Variants in DLGAP2 observed in about 807,000 individuals in gnomAD.
DLGAP2 encodes disks large-associated protein 2.
In DLGAP2, 26 loss-of-function variants were observed where a neutral mutation model predicts 100.3. The ratio of observed to expected loss-of-function variants is 0.26; its 90% CI spans 0.19 to 0.36. The LOEUF is 0.36. Among genes scored for constraint, DLGAP2 ranks in the 10% least tolerant of loss-of-function variants. The pLI is 1.00. For missense variants in DLGAP2, 1,858 were observed against 1,453.2 expected (o/e 1.28, Z -4.53); for synonymous variants, 886 against 630.1 (o/e 1.41, Z -6.08).
At chr8:1,588,463 A>G (rs550365257) in intron 6 of DLGAP2, among the ~76,000 whole-genome samples, 1 of 152,348 alleles carries the variant, frequency 6.6e-6, no homozygotes, top group East Asian at 1.9e-4. Context: ...AATGTGTTCT[A>G]TGAGTTCATT....
chr8:1,247,429 T>C (rs62489181), intron 2 of DLGAP2, among the ~76,000 whole-genome samples: 36,856 of 39,514 alleles, frequency 0.93, 17,239 homozygotes, highest in Middle Eastern at 0.99. Context: ...TAATGGCCCA[T>C]GTTGGTGGCC....
chr8:872,774 T>A (rs1431344230), intron 1 of DLGAP2, among the ~76,000 whole-genome samples: 2 of 152,150 alleles, frequency 1.3e-5, no homozygotes, highest in Non-Finnish European at 2.9e-5. Context: ...CAGAACACTC[T>A]CCTCACCCAA....
chr8:1,269,815 A>G (rs1799542361), intron 3 of DLGAP2, among the ~76,000 whole-genome samples: 1 of 152,170 alleles, frequency 6.6e-6, no homozygotes, highest in Non-Finnish European at 1.5e-5. Context: ...TTTTAAAGCT[A>G]GAGAATCACC....
intron 7 of DLGAP2, among the ~76,000 whole-genome samples, chr8:1,631,132 T>C (rs1296621953): frequency 6.6e-6 from 1 of 152,114 alleles, no homozygotes; most frequent in East Asian, 1.9e-4. Context: ...GCTCAACCAC[T>C]TTTTATTTGT....
intron 3 of DLGAP2, chr8:1,301,106 A>T (rs1412857046): frequency 1.3e-5 from 2 of 152,350 alleles, no homozygotes; most frequent in African/African-American, 2.4e-5. Context: ...GCCATGGAAG[A>T]GGCCATGCCA....
At chr8:1,676,984 A>C (rs1485771405) in intron 11 of DLGAP2, among the ~76,000 whole-genome samples, 2 of 152,354 alleles carry the variant, frequency 1.3e-5, no homozygotes, top group East Asian at 3.9e-4. Flanking sequence ...ACAGCAAAGC[A>C]CGTTCAAGGC....
intron 2 of DLGAP2, among the ~76,000 whole-genome samples, chr8:1,151,162 C>A (rs1379002220): frequency 6.6e-6 from 1 of 152,136 alleles, no homozygotes; most frequent in Non-Finnish European, 1.5e-5. Context: ...TTCACTTAAC[C>A]ACGTCCCTGC....
intron 4 of DLGAP2, among the ~76,000 whole-genome samples, chr8:1,544,975 C>T (rs1801485264): frequency 6.6e-6 from 1 of 152,160 alleles, no homozygotes; most frequent in Admixed American, 6.5e-5. Context: ...TTGTGATTCA[C>T]CCATCTCAGC....
chr8:1,596,035 C>G lies in DLGAP2; in HGVS notation c.1442+30141C>G, dbSNP rs184126403. On this transcript the variant is annotated intron_variant, in intron 6 of 14. Transcript: ENST00000637795. ...TATCCCTCCCCTAGCTCCCCACCCC[C>G]CAACAGGCCCCTGTGTGTGATATTC... 5.3e-5 allele frequency among the ~76,000 whole-genome samples: 8 copies of G among 149,894 alleles called. No homozygotes were observed. In the East Asian group the frequency reaches 8.0e-4, roughly 15 times the overall value.
intron 3 of DLGAP2, among the ~76,000 whole-genome samples, chr8:1,489,496 T>A (rs1168398335): frequency 1.3e-5 from 2 of 152,212 alleles, no homozygotes; most frequent in African/African-American, 4.8e-5. Flanking sequence ...ACCCTTTTCA[T>A]TCCAGGCCAT....
At chr8:1,242,770 G>A (rs28549709) in intron 2 of DLGAP2, among the ~76,000 whole-genome samples, 80,192 of 152,000 alleles carry the variant, frequency 0.53, 23,008 homozygotes, top group African/African-American at 0.77. Flanking sequence ...TCAGACAGAC[G>A]GATGGATGGA....
intron 3 of DLGAP2, among the ~76,000 whole-genome samples, chr8:1,485,550 G>C (rs17681222): frequency 3.9e-4 from 60 of 152,316 alleles, no homozygotes; most frequent in African/African-American, 1.3e-3. Context: ...TGTGTCCCAC[G>C]TTGCGTCCAT....
At chr8:741,775 A>G (rs1486765481) in intron 1 of DLGAP2, among the ~76,000 whole-genome samples, 1 of 152,188 alleles carries the variant, frequency 6.6e-6, no homozygotes, top group African/African-American at 2.4e-5. Flanking sequence ...TTCCCGTCAG[A>G]GGTGGCTCCT....
Position 1,539,919 on chromosome 8 carries a change from A to T in DLGAP2, c.173-8707A>T, listed in dbSNP as rs192798555. ...CAGTCCATCCTCAACAGCCAGGGAGACCCCCTCAAGCATCAGTGGCTTCCC... is the reference window on the plus strand; with the variant it reads ...CAGTCCATCCTCAACAGCCAGGGAGTCCCCCTCAAGCATCAGTGGCTTCCC... On this transcript the variant is annotated intron_variant, in intron 4 of 14. Transcript: ENST00000637795. Among the ~76,000 whole-genome samples, 102 of 151,244 alleles carry T rather than the reference A, an allele frequency of 6.7e-4. 1 individual carries two copies. The highest frequency in any genetic ancestry group is 2.4e-3 in the African/African-American group (99 of 41,106).
intron 2 of DLGAP2, among the ~76,000 whole-genome samples, chr8:1,086,597 G>A (rs1245942712): frequency 1.3e-5 from 2 of 152,154 alleles, no homozygotes; most frequent in African/African-American, 4.8e-5. Flanking sequence ...GAAGTCAAAA[G>A]AGAGGAAGAG....
chr8:1,431,325 A>T (rs565977967), intron 3 of DLGAP2, among the ~76,000 whole-genome samples: 1 of 152,302 alleles, frequency 6.6e-6, no homozygotes, highest in South Asian at 2.1e-4. Flanking sequence ...ATGTTTAGTA[A>T]TAGAGTAGGG....
intron 2 of DLGAP2, among the ~76,000 whole-genome samples, chr8:1,071,182 T>G (rs777079033): frequency 1.3e-5 from 2 of 152,210 alleles, no homozygotes; most frequent in South Asian, 2.1e-4. Context: ...GGATGGTGAG[T>G]GGTGCTTTCC....
chr8:818,847 G>A (rs1563048238), intron 1 of DLGAP2, among the ~76,000 whole-genome samples: 1 of 152,118 alleles, frequency 6.6e-6, no homozygotes, highest in African/African-American at 2.4e-5. Flanking sequence ...TGAAAATCAA[G>A]ATAAATGATT....
intron 2 of DLGAP2, among the ~76,000 whole-genome samples, chr8:978,922 G>T (rs535908716): frequency 6.6e-6 from 1 of 152,146 alleles, no homozygotes; most frequent in African/African-American, 2.4e-5. Flanking sequence ...AAATAACTCC[G>T]TAATCTTTCT....
Sources: gnomAD v4.1 joint callset for allele counts (sites outside exome capture counted in the v4.1 genomes callset) on GRCh38, gnomAD v4.1.1 for gene constraint, MANE v1.5 for transcripts, NCBI Gene and HGNC (gene_info 2026-07-23, HGNC 2026-07-21) for gene names.